FGF1: variants seen among roughly 807,000 people sequenced by gnomAD.
FGF1 encodes the protein beta-endothelial cell growth factor.
Under a neutral mutation model 13.4 loss-of-function variants are expected in FGF1, and 9 were observed. That is an observed-to-expected ratio of 0.67 (90% CI 0.40 to 1.17). The LOEUF is 1.17. Ranked by LOEUF, FGF1 falls within the 50% of genes most tolerant of loss-of-function variation. The pLI, the probability that FGF1 is intolerant of heterozygous loss-of-function variation, is 0.01. For synonymous variants in FGF1, 93 were observed against 79.0 expected (o/e 1.18, Z -0.94); for missense variants, 156 against 192.7 (o/e 0.81, Z 1.13).
At chr5:142,689,669 T>C (rs1444929142), upstream of FGF1, among the ~76,000 whole-genome samples, 3 of 151,490 alleles carry the variant, frequency 2.0e-5, no homozygotes, top group Non-Finnish European at 4.4e-5. Flanking sequence ...CTGTCGCCTA[T>C]TCTACTGTGT....
chr5:142,686,128 G>C (rs1252667268), upstream of FGF1: 1 of 152,086 alleles, frequency 6.6e-6, no homozygotes, highest in East Asian at 1.9e-4. Flanking sequence ...TGCACATCAG[G>C]TTGCTGGCCT....
intron 1 of FGF1, among the ~76,000 whole-genome samples, chr5:142,647,833 C>T (rs373816708): frequency 6.6e-6 from 1 of 152,074 alleles, no homozygotes; most frequent in Non-Finnish European, 1.5e-5. Flanking sequence ...CCTGTAATCC[C>T]AGCACTTTGG....
intron 1 of FGF1, among the ~76,000 whole-genome samples, chr5:142,641,972 G>A (rs926903589): frequency 1.3e-5 from 2 of 152,212 alleles, no homozygotes; most frequent in African/African-American, 4.8e-5. Flanking sequence ...ATTTCATGGA[G>A]CTGAAAAATG....
chr5:142,613,490 A>G (rs1321165999), intron 2 of FGF1, among the ~76,000 whole-genome samples: 1 of 152,272 alleles, frequency 6.6e-6, no homozygotes, highest in Non-Finnish European at 1.5e-5. Flanking sequence ...GACTACGATT[A>G]TGAACTGGGA....
intron 1 of FGF1, among the ~76,000 whole-genome samples, chr5:142,619,996 A>G (rs1051130405): frequency 1.3e-5 from 2 of 152,182 alleles, no homozygotes; most frequent in African/African-American, 4.8e-5. Flanking sequence ...TGCTAAATTT[A>G]CTAGCTACTG....
chr5:142,624,672 G>A (rs1478317171), intron 1 of FGF1, among the ~76,000 whole-genome samples: 1 of 152,164 alleles, frequency 6.6e-6, no homozygotes, highest in Non-Finnish European at 1.5e-5. Flanking sequence ...TATTATTTGA[G>A]GGAGATCAAG....
At chr5:142,605,449 C>G (rs1410912050) in intron 2 of FGF1, among the ~76,000 whole-genome samples, 1 of 152,104 alleles carries the variant, frequency 6.6e-6, no homozygotes, top group Non-Finnish European at 1.5e-5. Flanking sequence ...AAAAGCTTTT[C>G]ATTTCCTATG....
At chr5:142,663,527 A>G (rs1016193681) in intron 1 of FGF1, among the ~76,000 whole-genome samples, 5 of 152,160 alleles carry the variant, frequency 3.3e-5, no homozygotes, top group Non-Finnish European at 5.9e-5. Flanking sequence ...CACTATGGAA[A>G]CTTATTGGAA....
intron 1 of FGF1, 98 bp from the exon 2 acceptor site, chr5:142,614,259 G>A (rs1482131579): frequency 2.4e-5 from 22 of 919,604 alleles, no homozygotes; most frequent in Non-Finnish European, 3.3e-5. Context: ...CAGGGTTCCC[G>A]GGTAGTGAGT....
At chr5:142,668,386 G>A (rs528985385) in intron 1 of FGF1, among the ~76,000 whole-genome samples, 2 of 152,204 alleles carry the variant, frequency 1.3e-5, no homozygotes, top group South Asian at 2.1e-4. Flanking sequence ...TAAAGCTCCC[G>A]CATTCGTGAT....
At chr5:142,686,110 C>T (rs2152061867), upstream of FGF1, 1 of 152,240 alleles carries the variant, frequency 6.6e-6, no homozygotes, top group South Asian at 2.1e-4. Context: ...GAGGGACGGG[C>T]CGTGGCATGC....
At chr5:142,619,001 C>A (rs1337847061) in intron 1 of FGF1, among the ~76,000 whole-genome samples, 1 of 128,136 alleles carries the variant, frequency 7.8e-6, no homozygotes, top group Non-Finnish European at 1.6e-5. Flanking sequence ...GTGGCACAAT[C>A]TCGGCTCACT....
At chr5:142,608,542 CTA>C (rs369107817) in intron 2 of FGF1, among the ~76,000 whole-genome samples, 4,708 of 75,282 alleles carry the variant, frequency 0.063, 137 homozygotes, top group South Asian at 0.089. Flanking sequence ...ATATACACAT[CTA>C]TATATATATA....
chr5:142,603,430 C>G (rs985615524), intron 2 of FGF1, among the ~76,000 whole-genome samples: 2 of 152,112 alleles, frequency 1.3e-5, no homozygotes, highest in Non-Finnish European at 2.9e-5. Context: ...TCCTCTGCCC[C>G]TTGTTTCTTT....
At chr5:142,611,692 T>A (rs963106085) in intron 2 of FGF1, among the ~76,000 whole-genome samples, 6 of 152,140 alleles carry the variant, frequency 3.9e-5, no homozygotes, top group African/African-American at 1.4e-4. Flanking sequence ...CTTACTCTGA[T>A]CTCTGTCCTC....
chr5:142,641,615 T>C (rs1030547950), intron 1 of FGF1, among the ~76,000 whole-genome samples: 1 of 152,042 alleles, frequency 6.6e-6, no homozygotes, highest in Non-Finnish European at 1.5e-5. Context: ...TTGTAATGAA[T>C]TGAATCTAAT....
chr5:142,663,249 G>GA (rs60474431), intron 1 of FGF1, among the ~76,000 whole-genome samples: 4,660 of 138,662 alleles, frequency 0.034, 243 homozygotes, highest in African/African-American at 0.11. Context: ...AATCAGGAAA[G>GA]AAAAAAAAAA....
chr5:142,655,367 T>C (rs1173307393), intron 1 of FGF1, among the ~76,000 whole-genome samples: 1 of 152,144 alleles, frequency 6.6e-6, no homozygotes, highest in Non-Finnish European at 1.5e-5. Context: ...CACCACACCA[T>C]AGGTACTCAG....
chr5:142,616,099 A>C (rs1760171484), intron 1 of FGF1, among the ~76,000 whole-genome samples: 1 of 152,146 alleles, frequency 6.6e-6, no homozygotes, highest in Non-Finnish European at 1.5e-5. Flanking sequence ...TGCACTAACC[A>C]TCCATCAGTG....
Sources: allele counts gnomAD v4.1 joint callset (sites outside exome capture counted in the v4.1 genomes callset), GRCh38; gene constraint gnomAD v4.1.1; transcripts MANE v1.5; gene names NCBI Gene and HGNC (gene_info 2026-07-23, HGNC 2026-07-21).